The following TTC23 variants were observed in gnomAD, a reference collection of about 807,000 sequenced individuals.
TTC23 encodes tetratricopeptide repeat protein 23.
In TTC23, 58 loss-of-function variants were observed where a neutral mutation model predicts 55.1. The ratio of observed to expected loss-of-function variants is 1.05; its 90% confidence interval spans 0.85 to 1.31. The LOEUF (loss-of-function observed/expected upper bound fraction) is 1.31, where lower values mean the gene tolerates loss of function less well. Among genes scored for constraint, TTC23 ranks in the 50% most tolerant of loss-of-function variants. The pLI is 0.00. For synonymous variants in TTC23, 203 were observed against 199.9 expected (o/e 1.02, Z -0.13); for missense variants, 516 against 534.4 (o/e 0.97, Z 0.34).
chr15:99,138,996 C>T (rs1385114308), intron 13 of TTC23: 12 of 412,368 alleles, frequency 2.9e-5, no homozygotes, highest in African/African-American at 1.4e-4. Flanking sequence ...AGAGGGAAGC[C>T]GGAAGCAGGG....
At chr15:99,201,483 A>G (rs568569659) in intron 8 of TTC23, among the ~76,000 whole-genome samples, 2 of 152,294 alleles carry the variant, frequency 1.3e-5, no homozygotes, top group Admixed American at 6.5e-5. Context: ...AAAAATAGGT[A>G]TTATTTTCAC....
At chr15:99,162,789 C>T (rs2071545779) in intron 10 of TTC23, among the ~76,000 whole-genome samples, 1 of 152,014 alleles carries the variant, frequency 6.6e-6, no homozygotes, top group Admixed American at 6.6e-5. Flanking sequence ...TTGAAGAAAA[C>T]GAGATTATGG....
intron 10 of TTC23, among the ~76,000 whole-genome samples, chr15:99,166,628 G>C (rs945010731): frequency 1.1e-4 from 17 of 152,340 alleles, no homozygotes; most frequent in African/African-American, 4.1e-4. Context: ...GGCAGACGGA[G>C]ATGGGCCCTG....
rs566813866 is a variant in TTC23, at chr15:99,152,446, G to A, written c.1143+3702C>T. ...GGCTGGAGTGCAGTGGCATGATCTCGGCTCACTGCAACCTCTGCCTCCCGA... is the reference window on the plus strand; with the variant it reads ...GGCTGGAGTGCAGTGGCATGATCTCAGCTCACTGCAACCTCTGCCTCCCGA... On this transcript the variant is annotated intron_variant, in intron 12 of 13. Transcript: ENST00000394132. Among the ~76,000 whole-genome samples the A allele has an allele frequency of 5.7e-4, 86 of 150,662 alleles. 1 individual carries two copies. In the South Asian group the frequency reaches 5.7e-3, roughly 10 times the overall value.
intron 8 of TTC23, among the ~76,000 whole-genome samples, chr15:99,217,064 C>A (rs1567511369): frequency 6.6e-6 from 1 of 152,064 alleles, no homozygotes; most frequent in African/African-American, 2.4e-5. Flanking sequence ...AAGCAATGAA[C>A]TAAAATCCAG....
chr15:99,228,154 CTGAATGAGTTAG>C (rs1277195141), intron 5 of TTC23, among the ~76,000 whole-genome samples: 1 of 152,180 alleles, frequency 6.6e-6, no homozygotes, highest in East Asian at 1.9e-4. Flanking sequence ...GAAATGCCTA[CTGAATGAGTTAG>C]TGAATGAGTA....
chr15:99,216,506 A>T (rs181588993), intron 8 of TTC23, among the ~76,000 whole-genome samples: 104 of 152,110 alleles, frequency 6.8e-4, no homozygotes, highest in African/African-American at 2.3e-3. Flanking sequence ...TTTATAATAT[A>T]TAAGAAAACC....
intron 4 of TTC23, among the ~76,000 whole-genome samples, chr15:99,229,026 TAC>T (rs976403211): frequency 3.9e-5 from 6 of 152,068 alleles, no homozygotes; most frequent in African/African-American, 1.4e-4. Flanking sequence ...CACACATACA[TAC>T]ATACGTAAAG....
intron 5 of TTC23, among the ~76,000 whole-genome samples, chr15:99,227,800 T>C (rs1180655693): frequency 6.6e-6 from 1 of 152,192 alleles, no homozygotes; most frequent in Non-Finnish European, 1.5e-5. Context: ...GTCCTCTTCC[T>C]CACCTGTCCA....
At chr15:99,149,468 C>T (rs2069409478) in intron 12 of TTC23, among the ~76,000 whole-genome samples, 3 of 152,248 alleles carry the variant, frequency 2.0e-5, no homozygotes, top group Admixed American at 2.0e-4. Context: ...TGAAGCCGAG[C>T]TGATTTTTAG....
At chr15:99,246,810 C>T (rs564443032) in intron 1 of TTC23, among the ~76,000 whole-genome samples, 2 of 152,238 alleles carry the variant, frequency 1.3e-5, no homozygotes, top group Admixed American at 1.3e-4. Flanking sequence ...ATCCTAGCTA[C>T]TCGGGAGGCT....
chr15:99,153,566 T>G (rs2070136547), intron 12 of TTC23, among the ~76,000 whole-genome samples: 1 of 152,226 alleles, frequency 6.6e-6, no homozygotes. Context: ...TTTTCCCCAT[T>G]TTGAAACTAA....
intron 12 of TTC23, among the ~76,000 whole-genome samples, chr15:99,147,283 C>G (rs1703758): frequency 7.1e-6 from 1 of 141,778 alleles, no homozygotes; most frequent in Non-Finnish European, 1.5e-5. Flanking sequence ...TGGAGTGCAG[C>G]GGCGCGATCT....
chr15:99,166,643 G>C (rs1286051492), intron 10 of TTC23, among the ~76,000 whole-genome samples: 1 of 152,320 alleles, frequency 6.6e-6, no homozygotes, highest in Non-Finnish European at 1.5e-5. Flanking sequence ...GCCCTGCCTG[G>C]GAATCTGCCT....
intron 12 of TTC23, chr15:99,145,482 G>A (rs1023774294): frequency 6.6e-6 from 1 of 151,730 alleles, no homozygotes; most frequent in Admixed American, 6.6e-5. Flanking sequence ...ATGTGAGGAG[G>A]TGACACTGGA....
chr15:99,246,341 C>G (rs964514779), intron 1 of TTC23, among the ~76,000 whole-genome samples: 1 of 151,704 alleles, frequency 6.6e-6, no homozygotes. Context: ...TGGGGCTGGG[C>G]GTGGTGGCTC....
intron 9 of TTC23, among the ~76,000 whole-genome samples, chr15:99,187,271 G>A (rs540507777): frequency 7.2e-4 from 108 of 150,944 alleles, no homozygotes; most frequent in Non-Finnish European, 8.4e-4. Flanking sequence ...CCTCTACCCC[G>A]CCAAAAAAGG....
intron 11 of TTC23, among the ~76,000 whole-genome samples, chr15:99,156,596 G>A (rs1228781747): frequency 6.6e-6 from 1 of 152,198 alleles, no homozygotes; most frequent in East Asian, 1.9e-4. Flanking sequence ...TGAGCAAAGG[G>A]GGCAAAGCCC....
rs1475613309 is a variant in TTC23, at chr15:99,199,958, G to C, written c.720C>G (p.Ala240=). 2 of 1,612,830 alleles carry C rather than the reference G, an allele frequency of 1.2e-6. No individual in the cohort carries two copies. Among genetic ancestry groups the C allele is most frequent in the Non-Finnish European group, 1.7e-6 (2 of 1,179,546 alleles). Residue 240 remains alanine (A), a synonymous_variant, in exon 9 of 14, where the codon GCC becomes GCG. Coordinates refer to ENST00000394132, the MANE Select transcript of TTC23 (RefSeq NM_001288615.3). ...TGATGGATACATCGTGGAGTCCCAG[G>C]GCTTGCTCTACACCTGCTAATTCTC... The part of the protein sequence containing the change: ...ILRELAGVEQ[A]LGLHDVSINH...
Sources: allele counts gnomAD v4.1 joint callset (sites outside exome capture counted in the v4.1 genomes callset), GRCh38; gene constraint gnomAD v4.1.1; transcripts MANE v1.5; gene names NCBI Gene and HGNC (gene_info 2026-07-23, HGNC 2026-07-21).